FRMD3: variants seen among roughly 807,000 people sequenced by gnomAD.
FRMD3 encodes the protein FERM domain containing 3.
Under a neutral mutation model 70.2 loss-of-function variants are expected in FRMD3, and 33 were observed. The ratio of observed to expected loss-of-function variants is 0.47; its 90% confidence interval spans 0.36 to 0.63. The LOEUF (loss-of-function observed/expected upper bound fraction) is 0.63, where lower values mean the gene tolerates loss of function less well. Among genes scored for constraint, FRMD3 ranks in the 20% least tolerant of loss-of-function variants. The pLI, the probability that FRMD3 is intolerant of heterozygous loss-of-function variation, is 0.00. For synonymous variants in FRMD3, 279 were observed against 255.9 expected, an observed-to-expected ratio of 1.09 and a Z score of -0.86; for missense variants, 632 against 711.4, an observed-to-expected ratio of 0.89 and a Z score of 1.27.
At chr9:83,554,909 C>A in the FRMD3 span, among the ~76,000 whole-genome samples, 1 of 152,070 alleles carries the variant, frequency 6.6e-6, no homozygotes, top group Non-Finnish European at 1.5e-5. Flanking sequence ...CAGTCCCCAG[C>A]CACCTGGGAT....
chr9:83,291,967 A>C (rs1406885185), intron 12 of FRMD3, among the ~76,000 whole-genome samples: 1 of 152,106 alleles, frequency 6.6e-6, no homozygotes, highest in African/African-American at 2.4e-5. Flanking sequence ...CTAGAAAGGA[A>C]ATTTATGAGG....
intron 3 of FRMD3, among the ~76,000 whole-genome samples, chr9:83,369,157 T>A (rs1431769516): frequency 6.6e-6 from 1 of 152,188 alleles, no homozygotes; most frequent in African/African-American, 2.4e-5. Context: ...CTGGCCCATT[T>A]CTAGGAATTT....
the FRMD3 span, among the ~76,000 whole-genome samples, chr9:83,570,032 T>A: frequency 1.3e-5 from 2 of 152,192 alleles, no homozygotes; most frequent in African/African-American, 4.8e-5. Context: ...CAAGTTCCCA[T>A]CAGATTTTCA....
intron 1 of FRMD3, among the ~76,000 whole-genome samples, chr9:83,536,960 T>C (rs1829908439): frequency 1.0e-5 from 1 of 97,910 alleles, no homozygotes; most frequent in African/African-American, 4.1e-5. Flanking sequence ...AAAAGCTCAG[T>C]CCCAGAGCCT....
chr9:83,495,402 G>T (rs1329939263), intron 1 of FRMD3, among the ~76,000 whole-genome samples: 2 of 152,166 alleles, frequency 1.3e-5, no homozygotes, highest in African/African-American at 4.8e-5. Context: ...ACTGGAGCAG[G>T]TTAATAAAAT....
At chr9:83,360,645 AC>A (rs1321047186) in intron 3 of FRMD3, among the ~76,000 whole-genome samples, 1 of 151,792 alleles carries the variant, frequency 6.6e-6, no homozygotes, top group East Asian at 1.9e-4. Context: ...TTCCTCCACT[AC>A]CCCTGTCACA....
chr9:83,251,685 G>A (rs1462070513), intron 13 of FRMD3, among the ~76,000 whole-genome samples: 1 of 152,190 alleles, frequency 6.6e-6, no homozygotes, highest in Non-Finnish European at 1.5e-5. Context: ...GGACCTGATG[G>A]AGCTGAAAAA....
chr9:83,265,881 A>G (rs1833232893), intron 13 of FRMD3, among the ~76,000 whole-genome samples: 2 of 152,202 alleles, frequency 1.3e-5, no homozygotes, highest in African/African-American at 4.8e-5. Context: ...TGAAGCATCT[A>G]TTAAAGAGAA....
chr9:83,578,122 T>C, the FRMD3 span, among the ~76,000 whole-genome samples: 3 of 151,226 alleles, frequency 2.0e-5, no homozygotes. Flanking sequence ...AACATTGAAC[T>C]ATGAAGAAAT....
chr9:83,450,202 C>A (rs887204516), intron 1 of FRMD3, among the ~76,000 whole-genome samples: 1 of 126,410 alleles, frequency 7.9e-6, no homozygotes, highest in Non-Finnish European at 1.6e-5. Flanking sequence ...TGTGTGTGCA[C>A]CCGTGCGCGC....
At chr9:83,560,155 A>G in the FRMD3 span, among the ~76,000 whole-genome samples, 1 of 152,208 alleles carries the variant, frequency 6.6e-6, no homozygotes, top group Non-Finnish European at 1.5e-5. Flanking sequence ...CTGTATTAAA[A>G]TTACACATCC....
At chr9:83,578,064 G>A in the FRMD3 span, among the ~76,000 whole-genome samples, 1 of 151,596 alleles carries the variant, frequency 6.6e-6, no homozygotes, top group African/African-American at 2.4e-5. Context: ...CTAACAAATT[G>A]GATAATCTAG....
chr9:83,342,739 G>A (rs1823814353), intron 5 of FRMD3, among the ~76,000 whole-genome samples: 1 of 147,686 alleles, frequency 6.8e-6, no homozygotes, highest in African/African-American at 2.5e-5. Context: ...TAGATAGTTA[G>A]ATAGACACAA....
chr9:83,310,963 C>G (rs1285815226), intron 8 of FRMD3, among the ~76,000 whole-genome samples: 1 of 152,172 alleles, frequency 6.6e-6, no homozygotes, highest in African/African-American at 2.4e-5. Context: ...TTCCAAGAAG[C>G]AAATCCACTG....
intron 13 of FRMD3, among the ~76,000 whole-genome samples, chr9:83,250,167 G>A (rs1340884401): frequency 6.6e-6 from 1 of 152,090 alleles, no homozygotes; most frequent in African/African-American, 2.4e-5. Context: ...AGGGGGTGAT[G>A]GCCCACCTGG....
At position 83,372,966 on chromosome 9, in the gene FRMD3, A is replaced by G. The variant is rs761793555; in HGVS notation, c.253-11T>C. ...AGGTTCAAGCCAGTGCTAGGGAGGAAAAAAAAAAAAGCAGAGATCAGGGGT... is the reference window on the plus strand; with the variant it reads ...AGGTTCAAGCCAGTGCTAGGGAGGAGAAAAAAAAAAGCAGAGATCAGGGGT... On this transcript the variant is annotated splice_polypyrimidine_tract_variant and intron_variant, in intron 2 of 13. Coordinates refer to ENST00000304195, the MANE Select transcript of FRMD3 (RefSeq NM_174938.6). 5.5e-5 allele frequency: 55 copies of G among 992,422 alleles called. No individual in the cohort carries two copies. The highest frequency in any genetic ancestry group is 6.3e-5 in the Non-Finnish European group (49 of 779,278). The allele number at this position is 992,422 out of a possible 1,614,324, so 61.5% of individuals were successfully genotyped here.
At chr9:83,550,687 AGTGTGTGT>A in the FRMD3 span, among the ~76,000 whole-genome samples, 46 of 138,960 alleles carry the variant, frequency 3.3e-4, no homozygotes, top group South Asian at 5.1e-4. Flanking sequence ...AGTCCTAGGT[AGTGTGTGT>A]GTGTGTGTGT....
At chr9:83,451,774 C>T (rs1587866213) in intron 1 of FRMD3, among the ~76,000 whole-genome samples, 2 of 152,180 alleles carry the variant, frequency 1.3e-5, no homozygotes, top group East Asian at 3.8e-4. Flanking sequence ...GGTCGCTTCT[C>T]TGCCTCTCAC....
intron 1 of FRMD3, among the ~76,000 whole-genome samples, chr9:83,490,798 T>TCTCTCACACACACA (rs752047493): frequency 3.6e-5 from 4 of 110,716 alleles, no homozygotes; most frequent in African/African-American, 1.5e-4. Context: ...TCTCTCTCTC[T>TCTCTCACACACACA]CACACACACA....
Sources: gnomAD v4.1 joint callset for allele counts (sites outside exome capture counted in the v4.1 genomes callset) on GRCh38, gnomAD v4.1.1 for gene constraint, MANE v1.5 for transcripts, NCBI Gene and HGNC (gene_info 2026-07-23, HGNC 2026-07-21) for gene names.